IL1RAPL1: variants seen among roughly 807,000 people sequenced by gnomAD.
The protein encoded by IL1RAPL1 is interleukin-1 receptor accessory protein-like 1.
IL1RAPL1 carries 3 observed loss-of-function variants against 48.4 expected under a neutral mutation model. The observed-to-expected ratio is 0.06, with a 90% CI of 0.03 to 0.16. The LOEUF is 0.16. Among genes scored for constraint, IL1RAPL1 ranks in the 10% least tolerant of loss-of-function variants. The probability of loss-of-function intolerance (pLI) is 1.00; values close to 1 mark genes in which losing one functional copy is unlikely to be tolerated. For synonymous variants in IL1RAPL1, 185 were observed against 187.7 expected (o/e 0.99, Z 0.12); for missense variants, 349 against 530.6 (o/e 0.66, Z 3.36).
chrX:29,062,945 A>G (rs1569229136), intron 2 of IL1RAPL1, among the ~76,000 whole-genome samples: 1 of 111,793 alleles, frequency 8.9e-6, no homozygotes, highest in African/African-American at 3.2e-5. Context: ...TGGATTCAGA[A>G]AATTTCTATA....
intron 2 of IL1RAPL1, among the ~76,000 whole-genome samples, chrX:28,958,912 G>A (rs983355894): frequency 7.6e-4 from 85 of 111,609 alleles, no homozygotes; most frequent in Middle Eastern, 4.8e-3. Context: ...GTTTTTCTAA[G>A]TAATTAGATG....
chrX:29,655,061 G>A, intron 5 of IL1RAPL1, among the ~76,000 whole-genome samples: 1 of 111,314 alleles, frequency 9.0e-6, no homozygotes, highest in East Asian at 2.8e-4. Flanking sequence ...GCCTCAAATT[G>A]TATGTCATCA....
intron 5 of IL1RAPL1, among the ~76,000 whole-genome samples, chrX:29,533,863 G>A (rs1247590644): frequency 1.8e-5 from 2 of 112,010 alleles, no homozygotes; most frequent in Non-Finnish European, 3.8e-5. Context: ...GTTGGAATGT[G>A]TTCCCACAAA....
At chrX:28,659,163 G>A (rs756780744) in intron 1 of IL1RAPL1, 1 of 666,516 alleles carries the variant, frequency 1.5e-6, no homozygotes, top group Non-Finnish European at 2.4e-6. Flanking sequence ...TCTTCAAAAA[G>A]GCCAACCAGC....
intron 5 of IL1RAPL1, among the ~76,000 whole-genome samples, chrX:29,454,848 ACTT>A (rs1475778884): frequency 3.7e-5 from 4 of 108,705 alleles, no homozygotes; most frequent in Non-Finnish European, 7.6e-5. Context: ...AGTAGGAACA[ACTT>A]CTCATGCATA....
At chrX:28,692,791 G>C (rs1465009240) in intron 1 of IL1RAPL1, among the ~76,000 whole-genome samples, 11 of 111,723 alleles carry the variant, frequency 9.8e-5, no homozygotes, top group African/African-American at 3.6e-4. Context: ...AAAACAATGT[G>C]TGTAGGTGCA....
At chrX:29,028,292 G>GT (rs775964789) in intron 2 of IL1RAPL1, among the ~76,000 whole-genome samples, 3,753 of 80,103 alleles carry the variant, frequency 0.047, 131 homozygotes, top group African/African-American at 0.068. Context: ...TTTTTTGTTT[G>GT]TTTTTTTTTT....
intron 1 of IL1RAPL1, among the ~76,000 whole-genome samples, chrX:28,664,873 T>A (rs746411603): frequency 1.3e-4 from 14 of 111,649 alleles, no homozygotes; most frequent in Non-Finnish European, 2.4e-4. Context: ...GGGCCTTTCA[T>A]GTGCAAGGGA....
At chrX:28,684,333 C>A (rs1935090917) in intron 1 of IL1RAPL1, among the ~76,000 whole-genome samples, 1 of 111,748 alleles carries the variant, frequency 8.9e-6, no homozygotes, top group Non-Finnish European at 1.9e-5. Flanking sequence ...GTATTTGAGT[C>A]TGTCTAGTGT....
At chrX:29,310,415 A>G (rs985165785) in intron 3 of IL1RAPL1, among the ~76,000 whole-genome samples, 1 of 111,655 alleles carries the variant, frequency 9.0e-6, no homozygotes, top group Non-Finnish European at 1.9e-5. Context: ...ACATTAAAAC[A>G]CAAATTTTGA....
intron 5 of IL1RAPL1, among the ~76,000 whole-genome samples, chrX:29,465,938 C>A (rs1934857749): frequency 1.8e-5 from 2 of 111,859 alleles, no homozygotes; most frequent in Admixed American, 1.9e-4. Context: ...ATATATGTGT[C>A]ACTCAGCCTC....
chrX:29,834,673 T>A (rs962566066), intron 6 of IL1RAPL1, among the ~76,000 whole-genome samples: 6 of 110,899 alleles, frequency 5.4e-5, no homozygotes, highest in Non-Finnish European at 1.1e-4. Flanking sequence ...ATACTTTGAA[T>A]TACAAATACA....
rs186165733 is a variant in IL1RAPL1 at position 29,008,557 on chromosome X, C to T, written c.82+219132C>T. On this transcript the variant is annotated intron_variant, in intron 2 of 10. Coordinates refer to ENST00000378993, the MANE Select transcript of IL1RAPL1 (RefSeq NM_014271.4). ...ATCATTTTATAACATAAACATATATCATAATATTACATTGTACCCAACAAA... is the reference window on the plus strand; with the variant it reads ...ATCATTTTATAACATAAACATATATTATAATATTACATTGTACCCAACAAA... 5.6e-3 allele frequency among the ~76,000 whole-genome samples: 627 copies of T among 112,332 alleles called. 5 individuals carry two copies. Among genetic ancestry groups the T allele is most frequent in the African/African-American group, 0.017 (527 of 31,028 alleles).
intron 2 of IL1RAPL1, among the ~76,000 whole-genome samples, chrX:29,001,788 A>G (rs888080762): frequency 2.6e-4 from 29 of 111,839 alleles, no homozygotes; most frequent in African/African-American, 9.4e-4. Context: ...CAGATATTAA[A>G]GCAATGCATT....
chrX:29,152,620 A>G (rs1004929596), intron 2 of IL1RAPL1, among the ~76,000 whole-genome samples: 5 of 112,327 alleles, frequency 4.5e-5, no homozygotes, highest in African/African-American at 1.6e-4. Context: ...TTGTCTGACA[A>G]CATAACAACT....
At chrX:28,937,659 A>G (rs1399539998) in intron 2 of IL1RAPL1, among the ~76,000 whole-genome samples, 4 of 111,056 alleles carry the variant, frequency 3.6e-5, no homozygotes, top group Non-Finnish European at 7.6e-5. Context: ...TATTTCATAA[A>G]TTCAAGTCCC....
intron 5 of IL1RAPL1, among the ~76,000 whole-genome samples, chrX:29,456,006 C>T (rs1360148103): frequency 9.0e-6 from 1 of 110,635 alleles, no homozygotes; most frequent in Non-Finnish European, 1.9e-5. Flanking sequence ...GGAGTTTGCT[C>T]ACTTTGAGGA....
At chrX:29,494,870 G>T (rs1268194816) in intron 5 of IL1RAPL1, among the ~76,000 whole-genome samples, 1 of 111,980 alleles carries the variant, frequency 8.9e-6, no homozygotes, top group Non-Finnish European at 1.9e-5. Flanking sequence ...GCTTCATTAA[G>T]CCTCAATTTC....
chrX:29,688,969 G>GA (rs1322096589), intron 6 of IL1RAPL1, among the ~76,000 whole-genome samples: 12 of 111,150 alleles, frequency 1.1e-4, no homozygotes, highest in African/African-American at 3.9e-4. Context: ...TTCCCAGCAA[G>GA]AAAAAACAAG....
Sources: allele counts gnomAD v4.1 joint callset (sites outside exome capture counted in the v4.1 genomes callset), GRCh38; gene constraint gnomAD v4.1.1; transcripts MANE v1.5; gene names NCBI Gene and HGNC (gene_info 2026-07-23, HGNC 2026-07-21).